Variants in PCDH15 observed in about 807,000 individuals in gnomAD.
The protein encoded by PCDH15 is protocadherin related 15.
PCDH15 carries 129 observed loss-of-function variants against 178.5 expected under a neutral mutation model. That is an observed-to-expected ratio of 0.72 (90% CI 0.63 to 0.84). The LOEUF is 0.84. Ranked by LOEUF, PCDH15 falls within the 40% of genes least tolerant of loss-of-function variation. The probability of loss-of-function intolerance (pLI) is 0.00; values close to 1 mark genes in which losing one functional copy is unlikely to be tolerated. For synonymous variants in PCDH15, 800 were observed against 732.0 expected, an observed-to-expected ratio of 1.09 and a Z score of -1.50; for missense variants, 2,230 against 2,099.9, an observed-to-expected ratio of 1.06 and a Z score of -1.21.
At chr10:55,570,719 T>C (rs1040766901) in intron 2 of PCDH15, among the ~76,000 whole-genome samples, 2 of 152,096 alleles carry the variant, frequency 1.3e-5, no homozygotes, top group Non-Finnish European at 2.9e-5. Context: ...TATCTTTGCC[T>C]ATATACATAA....
At chr10:54,458,579 G>A (rs2076976855) in intron 3 of PCDH15, among the ~76,000 whole-genome samples, 3 of 151,978 alleles carry the variant, frequency 2.0e-5, no homozygotes, top group Admixed American at 1.3e-4. Context: ...GATGCTTGCA[G>A]GGTGAATCTT....
intron 2 of PCDH15, among the ~76,000 whole-genome samples, chr10:55,136,906 C>T (rs914302270): frequency 7.9e-5 from 12 of 152,088 alleles, no homozygotes; most frequent in Admixed American, 3.9e-4. Flanking sequence ...TTCAGTTCTG[C>T]AAAGTGCCTC....
Position 54,317,383 on chromosome 10 carries a change from A to G in PCDH15, c.764T>C (p.Val255Ala). 1 of 1,613,990 alleles carries G rather than the reference A, an allele frequency of 6.2e-7. No individual in the cohort carries two copies. The highest frequency in any genetic ancestry group is 8.5e-7 in the Non-Finnish European group (1 of 1,179,942). Residue 255 changes from valine to alanine, a missense_variant, in exon 8 of 38, where the codon GTT (valine) becomes GCT (alanine). Transcript: ENST00000644397. The part of the protein sequence containing the change: ...RTTTTTLTVD[V>A]LDGDDLGPMF... ...TGGACCCAAGTCATCTCCATCCAGA[A>G]CATCCACTGTGAGAGTGGTGGTGGT...
intron 9 of PCDH15, among the ~76,000 whole-genome samples, chr10:54,233,578 C>G (rs1005191076): frequency 2.6e-5 from 4 of 152,124 alleles, no homozygotes; most frequent in Non-Finnish European, 4.4e-5. Context: ...ATTCTAGGTG[C>G]ACTTGAGAAG....
intron 5 of PCDH15, among the ~76,000 whole-genome samples, chr10:54,361,989 C>T (rs1946120771): frequency 6.6e-6 from 1 of 151,878 alleles, no homozygotes; most frequent in African/African-American, 2.4e-5. Context: ...TTAATGCTTC[C>T]CTATTTCTAC....
At chr10:54,433,855 A>G (rs2075188700) in intron 3 of PCDH15, among the ~76,000 whole-genome samples, 1 of 152,148 alleles carries the variant, frequency 6.6e-6, no homozygotes, top group South Asian at 2.1e-4. Flanking sequence ...AAATTTAAAA[A>G]TATTTAAAAA....
At chr10:54,587,897 C>A (rs2091610275) in intron 2 of PCDH15, among the ~76,000 whole-genome samples, 2 of 152,058 alleles carry the variant, frequency 1.3e-5, no homozygotes, top group African/African-American at 2.4e-5. Context: ...GACTTTAATT[C>A]TTTTATTCCC....
intron 2 of PCDH15, among the ~76,000 whole-genome samples, chr10:55,341,370 A>G (rs1844551351): frequency 6.6e-6 from 1 of 152,092 alleles, no homozygotes; most frequent in Admixed American, 6.5e-5. Context: ...ATACTCAATG[A>G]CAAATTGGAA....
chr10:53,931,956 C>G (rs1243997104), intron 25 of PCDH15, among the ~76,000 whole-genome samples: 1 of 152,178 alleles, frequency 6.6e-6, no homozygotes, highest in East Asian at 1.9e-4. Context: ...ATTTTTATCA[C>G]TCAGACTTCT....
At chr10:53,910,656 G>A (rs1471870120) in intron 25 of PCDH15, among the ~76,000 whole-genome samples, 1 of 152,176 alleles carries the variant, frequency 6.6e-6, no homozygotes, top group Non-Finnish European at 1.5e-5. Flanking sequence ...GCTGGATGGA[G>A]AATGACTTTG....
At chr10:54,851,892 A>C (rs889013544) in intron 3 of PCDH15, among the ~76,000 whole-genome samples, 1 of 152,134 alleles carries the variant, frequency 6.6e-6, no homozygotes, top group Non-Finnish European at 1.5e-5. Flanking sequence ...AATTTAATAC[A>C]AATTTTGGTA....
At chr10:55,252,951 T>C (rs1841879457) in intron 1 of PCDH15, among the ~76,000 whole-genome samples, 1 of 152,156 alleles carries the variant, frequency 6.6e-6, no homozygotes, top group Non-Finnish European at 1.5e-5. Flanking sequence ...AAAAAAATTT[T>C]CTAAAACAAA....
At chr10:54,120,935 C>G (rs1564467807) in intron 15 of PCDH15, among the ~76,000 whole-genome samples, 1 of 152,028 alleles carries the variant, frequency 6.6e-6, no homozygotes, top group Non-Finnish European at 1.5e-5. Flanking sequence ...ACTTGAGCAA[C>G]TGGATCCAAT....
Position 54,074,659 on chromosome 10 carries a change from G to C in PCDH15, c.2091+4672C>G, listed in dbSNP as rs189670127. ...TGTGAATAATGCTGCTATGAACATG[G>C]GAATACAAATATCTCTTGGAGACTC... On this transcript the variant is annotated intron_variant, in intron 17 of 37. Coordinates refer to ENST00000644397, the MANE Select transcript of PCDH15 (RefSeq NM_001384140.1). Among the ~76,000 whole-genome samples the C allele has an allele frequency of 2.8e-3, 422 of 152,196 alleles. 3 individuals are homozygous for C. The highest frequency in any genetic ancestry group is 1.0e-2 in the African/African-American group (415 of 41,524).
At chr10:55,348,618 T>C (rs1251602692) in intron 2 of PCDH15, among the ~76,000 whole-genome samples, 2 of 152,160 alleles carry the variant, frequency 1.3e-5, no homozygotes, top group Admixed American at 6.6e-5. Context: ...GTTAAGCTTG[T>C]CTGTGAAATA....
At chr10:54,688,322 G>A (rs1305008247) in intron 1 of PCDH15, among the ~76,000 whole-genome samples, 2 of 151,914 alleles carry the variant, frequency 1.3e-5, no homozygotes, top group Non-Finnish European at 1.5e-5. Context: ...TACTTCTTTA[G>A]ACTTGGGCTA....
intron 2 of PCDH15, among the ~76,000 whole-genome samples, chr10:55,057,456 A>T (rs1424062011): frequency 2.6e-5 from 4 of 151,986 alleles, no homozygotes; most frequent in African/African-American, 9.7e-5. Context: ...AATTTTTCTT[A>T]TGTTTCTCGG....
intron 2 of PCDH15, among the ~76,000 whole-genome samples, chr10:55,034,588 G>A (rs546033480): frequency 6.6e-5 from 10 of 152,172 alleles, no homozygotes; most frequent in Admixed American, 2.0e-4. Context: ...GTAGGCACTG[G>A]AGATACAAAA....
At chr10:55,427,149 T>A (rs1019432336) in intron 2 of PCDH15, among the ~76,000 whole-genome samples, 14 of 152,158 alleles carry the variant, frequency 9.2e-5, no homozygotes, top group Non-Finnish European at 4.4e-5. Flanking sequence ...CCTGTCCCTA[T>A]CACTACAATC....
Sources: allele counts gnomAD v4.1 joint callset (sites outside exome capture counted in the v4.1 genomes callset), GRCh38; gene constraint gnomAD v4.1.1; transcripts MANE v1.5; gene names NCBI Gene and HGNC (gene_info 2026-07-23, HGNC 2026-07-21).